Variants in ABHD2 observed in about 807,000 individuals in gnomAD.
ABHD2 encodes the protein abhydrolase domain containing 2, acylglycerol lipase.
A neutral mutation model predicts 48.1 loss-of-function variants in ABHD2; 20 were observed. That is an observed-to-expected ratio of 0.42 (90% CI 0.29 to 0.60). ABHD2 has a LOEUF of 0.60. Ranked by LOEUF, ABHD2 falls within the 20% of genes least tolerant of loss-of-function variation. The pLI is 0.24. For missense variants in ABHD2, 405 were observed against 550.9 expected, an observed-to-expected ratio of 0.74 and a Z score of 2.65; for synonymous variants, 209 against 214.2, an observed-to-expected ratio of 0.98 and a Z score of 0.21.
At chr15:89,129,003 G>A (rs2050178267) in intron 3 of ABHD2, among the ~76,000 whole-genome samples, 1 of 152,202 alleles carries the variant, frequency 6.6e-6, no homozygotes, top group Admixed American at 6.5e-5. Context: ...TTATGCTGAG[G>A]TTACTGAGCG....
the ABHD2 span, among the ~76,000 whole-genome samples, chr15:89,047,477 G>A: frequency 1.3e-5 from 2 of 150,772 alleles, no homozygotes; most frequent in East Asian, 1.9e-4. Flanking sequence ...TCATTGATCT[G>A]TCTAATGTTG....
the ABHD2 span, among the ~76,000 whole-genome samples, chr15:89,058,498 TG>T: frequency 6.6e-6 from 1 of 152,138 alleles, no homozygotes; most frequent in African/African-American, 2.4e-5. Context: ...AGCCTAGTCT[TG>T]GGTGGGTGTA....
intron 3 of ABHD2, among the ~76,000 whole-genome samples, chr15:89,134,028 C>T (rs1030634596): frequency 4.6e-5 from 7 of 151,904 alleles, no homozygotes; most frequent in African/African-American, 1.7e-4. Context: ...TTAGTAGAGA[C>T]GGGGTTTCAC....
the ABHD2 span, among the ~76,000 whole-genome samples, chr15:89,068,754 C>CTTTTTTTTTTTTTTTTTTT: frequency 1.5e-4 from 11 of 71,354 alleles, 1 homozygote; most frequent in Admixed American, 4.7e-4. Context: ...CAAGCTTCCT[C>CTTTTTTTTTTTTTTTTTTT]TTTTTTTTTT....
intron 3 of ABHD2, among the ~76,000 whole-genome samples, chr15:89,147,575 G>C (rs1006418662): frequency 2.0e-5 from 3 of 150,768 alleles, no homozygotes; most frequent in Non-Finnish European, 3.0e-5. Flanking sequence ...GGATGGTCTC[G>C]ATCTCCTGAC....
At chr15:89,135,615 CTTCT>C in intron 3 of ABHD2, 1 of 1,546,224 alleles carries the variant, frequency 6.5e-7, no homozygotes. Context: ...CCTCCTCTTC[CTTCT>C]TTTTCTTGCT....
chr15:89,078,570 G>A, the ABHD2 span, among the ~76,000 whole-genome samples: 1 of 152,178 alleles, frequency 6.6e-6, no homozygotes, highest in African/African-American at 2.4e-5. Flanking sequence ...GAATGAGTAT[G>A]TGATAACGGA....
At position 89,201,302 on chromosome 15, in the gene ABHD2, C is replaced by A; in HGVS notation, c.*5879C>A. ...TCTTTTACACTCTTCTGTTAGTTTC[C>A]TTGTTTCAGTATCATGAAGTGAAGC... On this transcript the variant is annotated 3_prime_UTR_variant, in exon 11 of 11. Transcript: ENST00000352732. The A allele has an allele frequency of 8.8e-7, 1 of 1,135,954 alleles. No homozygotes were observed. The highest frequency in any genetic ancestry group is 1.3e-6 in the Non-Finnish European group (1 of 762,146). The allele number at this position is 1,135,954 out of a possible 1,614,324, so 70.4% of individuals were successfully genotyped here.
Position 89,188,280 on chromosome 15 carries a change from G to A in ABHD2, c.903G>A (p.Met301Ile). 2 of 1,614,190 alleles carry A rather than the reference G, an allele frequency of 1.2e-6. No individual in the cohort carries two copies. Among genetic ancestry groups the A allele is most frequent in the Non-Finnish European group, 1.7e-6 (2 of 1,180,020 alleles). The change falls in exon 8 of 11, where the codon ATG becomes ATA. Residue 301 changes from methionine to isoleucine, a missense_variant. Transcript: ENST00000352732. The surrounding 1 kb of genome is among the most constrained non-coding windows in gnomAD (Gnocchi z 4.1). ...GGCTCTACACAGCAACATCCCTGATGCAGATTGATGACAATGTGATGAGGT... is the reference window on the plus strand; with the variant it reads ...GGCTCTACACAGCAACATCCCTGATACAGATTGATGACAATGTGATGAGGT... The part of the protein sequence containing the change: ...LSRLYTATSL[M>I]QIDDNVMRKF...
rs1381793744 is a variant in ABHD2, at chr15:89,174,530, A to C, written c.539-1282A>C. ...TACATCCTACCACAAAAGAAGACAG[A>C]TATAAGGGGAGTTTACCCCAGGCTC... On this transcript the variant is annotated intron_variant, in intron 5 of 10. Coordinates refer to ENST00000352732, the MANE Select transcript of ABHD2 (RefSeq NM_152924.5). The surrounding 1 kb of genome is among the most constrained non-coding windows in gnomAD (Gnocchi z 4.1). Among the ~76,000 whole-genome samples the C allele has an allele frequency of 1.3e-5, 2 of 152,160 alleles. No homozygotes were observed. The highest frequency in any genetic ancestry group is 2.9e-5 in the Non-Finnish European group (2 of 68,022).
the ABHD2 span, among the ~76,000 whole-genome samples, chr15:89,043,988 G>A: frequency 6.6e-6 from 1 of 151,452 alleles, no homozygotes; most frequent in Non-Finnish European, 1.5e-5. Context: ...GTGCCATGCT[G>A]GTGTGCTGCA....
Position 89,095,352 on chromosome 15 carries a change from C to T in ABHD2, c.-107+6789C>T, listed in dbSNP as rs529732623. 5.3e-5 allele frequency among the ~76,000 whole-genome samples: 8 copies of T among 152,280 alleles called. No homozygotes were observed. In the East Asian group the frequency reaches 5.8e-4, roughly 11 times the overall value. On this transcript the variant is annotated intron_variant, in intron 1 of 10. Transcript: ENST00000352732. ...TGCAGCAGCATTTGGCGGGGCTTTG[C>T]GCCCAGTTTTTCAGGTGGTACAGAC...
chr15:89,143,680 T>C lies in ABHD2; in HGVS notation c.195-7997T>C, dbSNP rs545650932. On this transcript the variant is annotated intron_variant, in intron 3 of 10. Transcript: ENST00000352732. Reference sequence around the variant, plus strand: ...CCTGGGCAATAAGAGCAAAACTCCATCTCAAAACAAAAAAAAAAAAATGTG... The same window carrying C: ...CCTGGGCAATAAGAGCAAAACTCCACCTCAAAACAAAAAAAAAAAAATGTG... 7.5e-5 allele frequency among the ~76,000 whole-genome samples: 9 copies of C among 119,370 alleles called. No individual in the cohort carries two copies. The East Asian group carries it at 3.5e-3, about 46-fold the overall frequency. 78.3% of individuals were successfully genotyped at this position (119,370 alleles called of 152,430 possible).
At chr15:89,165,315 C>T (rs2050821758) in intron 5 of ABHD2, among the ~76,000 whole-genome samples, 1 of 151,406 alleles carries the variant, frequency 6.6e-6, no homozygotes, top group Admixed American at 6.6e-5. Flanking sequence ...TAAAAAAATT[C>T]CTCACACTTA....
At chr15:89,058,248 C>G in the ABHD2 span, among the ~76,000 whole-genome samples, 1 of 152,118 alleles carries the variant, frequency 6.6e-6, no homozygotes, top group African/African-American at 2.4e-5. Flanking sequence ...CCTTTCAGAT[C>G]GTGAGGAGCC....
Position 89,164,030 on chromosome 15 carries a change from TAAGGCAA to T in ABHD2, c.538+8500_538+8506del, listed in dbSNP as rs1432402540. ...TTCCCAGTCAGATACATTTTAGGCT[TAAGGCAA>T]AAGAGCATCCAAGAGCATCTCAGAG... On this transcript the variant is annotated intron_variant, in intron 5 of 10. Transcript: ENST00000352732. This position sits in a 1 kb window ranked among gnomAD's most constrained non-coding sequence, Gnocchi z 5.0. Among the ~76,000 whole-genome samples the T allele has an allele frequency of 1.3e-5, 2 of 152,182 alleles. No homozygotes were observed. Among genetic ancestry groups the T allele is most frequent in the Admixed American group, 1.3e-4 (2 of 15,282 alleles).
chr15:89,122,241 C>T (rs2050063259), intron 3 of ABHD2, among the ~76,000 whole-genome samples: 1 of 152,194 alleles, frequency 6.6e-6, no homozygotes, highest in Admixed American at 6.5e-5. Flanking sequence ...CATATAACTT[C>T]TGTGTCCGTT....
At chr15:89,124,226 A>G (rs1248151788) in intron 3 of ABHD2, among the ~76,000 whole-genome samples, 1 of 152,246 alleles carries the variant, frequency 6.6e-6, no homozygotes, top group Admixed American at 6.5e-5. Context: ...ACGGGACTCC[A>G]TATATGAAAC....
At chr15:89,061,128 T>C in the ABHD2 span, among the ~76,000 whole-genome samples, 3 of 151,902 alleles carry the variant, frequency 2.0e-5, no homozygotes, top group Non-Finnish European at 2.9e-5. Flanking sequence ...AAAAACTACC[T>C]ACTGGGGGCC....
Sources: allele counts gnomAD v4.1 joint callset (sites outside exome capture counted in the v4.1 genomes callset), GRCh38; gene constraint gnomAD v4.1.1; non-coding constraint Gnocchi (gnomAD v3.1); transcripts MANE v1.5; gene names NCBI Gene and HGNC (gene_info 2026-07-23, HGNC 2026-07-21).